The following TMEM232 variants were observed in gnomAD, a reference collection of about 807,000 sequenced individuals.
The protein encoded by TMEM232 is transmembrane protein 232.
Under a neutral mutation model 78.8 loss-of-function variants are expected in TMEM232, and 80 were observed. The observed-to-expected ratio is 1.01, with a 90% CI of 0.85 to 1.22. TMEM232 has a LOEUF of 1.22. TMEM232 is among the 50% of genes most tolerant of loss of function. The pLI is 0.00. For synonymous variants in TMEM232, 297 were observed against 254.3 expected (o/e 1.17, Z -1.60); for missense variants, 881 against 742.2 (o/e 1.19, Z -2.17).
intron 5 of TMEM232, 106 bp from the exon 6 acceptor site, chr5:110,627,986 C>T (rs1329024762): frequency 2.6e-6 from 2 of 767,636 alleles, no homozygotes; most frequent in South Asian, 1.7e-5. Flanking sequence ...TTTGAGAAAA[C>T]AATTTTAAAC....
chr5:110,623,913 T>G (rs1257024401), intron 7 of TMEM232, among the ~76,000 whole-genome samples: 2 of 152,174 alleles, frequency 1.3e-5, no homozygotes, highest in Non-Finnish European at 2.9e-5. Flanking sequence ...TAGTGACTTG[T>G]CCCACTGTAA....
chr5:110,505,307 G>C (rs141789104), intron 12 of TMEM232, among the ~76,000 whole-genome samples: 2 of 152,100 alleles, frequency 1.3e-5, no homozygotes, highest in African/African-American at 4.8e-5. Context: ...TACTGTATGT[G>C]TTTGGACCCA....
chr5:110,463,350 A>G (rs1376400635), intron 12 of TMEM232, among the ~76,000 whole-genome samples: 3 of 152,218 alleles, frequency 2.0e-5, no homozygotes, highest in African/African-American at 7.2e-5. Context: ...TTGAGACATA[A>G]TGTTATTGCA....
intron 1 of TMEM232, 81 bp downstream of exon 1, chr5:110,726,546 C>A (rs1443484691): frequency 6.6e-6 from 1 of 152,206 alleles, no homozygotes; most frequent in Non-Finnish European, 1.5e-5. Context: ...CTTTGTGGGT[C>A]TTTCAGTTGC....
intron 2 of TMEM232, among the ~76,000 whole-genome samples, chr5:110,649,953 C>A (rs529403193): frequency 3.9e-4 from 59 of 152,030 alleles, no homozygotes; most frequent in African/African-American, 1.3e-3. Flanking sequence ...AATTTCTTTG[C>A]CTGTAAAATG....
intron 12 of TMEM232, among the ~76,000 whole-genome samples, chr5:110,477,699 CAAAA>C (rs200655096): frequency 8.6e-5 from 13 of 150,634 alleles, no homozygotes; most frequent in Non-Finnish European, 1.6e-4. Flanking sequence ...AAACTGCTTA[CAAAA>C]AAAAATTCAT....
intron 3 of TMEM232, among the ~76,000 whole-genome samples, chr5:110,397,586 T>C (rs893420104): frequency 2.0e-5 from 3 of 152,164 alleles, no homozygotes; most frequent in African/African-American, 7.2e-5. Context: ...AACCAATTTA[T>C]GTAATGGAAC....
chr5:110,732,978 AAAC>A (rs1214941993), intron 2 of TMEM232, among the ~76,000 whole-genome samples: 1 of 152,214 alleles, frequency 6.6e-6, no homozygotes. Context: ...ATATATATGA[AAAC>A]AACAAACAAT....
chr5:110,708,318 G>C (rs1796143170), intron 1 of TMEM232, among the ~76,000 whole-genome samples: 2 of 152,168 alleles, frequency 1.3e-5, no homozygotes, highest in African/African-American at 4.8e-5. Flanking sequence ...ATCAACACCA[G>C]TCCTTTCCTA....
At chr5:110,405,582 T>TA (rs941682314) in intron 2 of TMEM232, among the ~76,000 whole-genome samples, 7 of 150,882 alleles carry the variant, frequency 4.6e-5, no homozygotes, top group Admixed American at 3.3e-4. Flanking sequence ...AGTTGTAAAA[T>TA]AAAAAAAATT....
chr5:110,659,681 C>T (rs766104704), intron 2 of TMEM232, among the ~76,000 whole-genome samples: 24 of 152,054 alleles, frequency 1.6e-4, no homozygotes, highest in Non-Finnish European at 2.9e-4. Context: ...CATGCTCATC[C>T]CACCACATGC....
intron 8 of TMEM232, among the ~76,000 whole-genome samples, chr5:110,612,673 T>C (rs1186785322): frequency 6.6e-6 from 1 of 152,170 alleles, no homozygotes; most frequent in East Asian, 1.9e-4. Flanking sequence ...TTCAAGACAG[T>C]TTTAAATTGT....
At chr5:110,453,660 G>A in intron 12 of TMEM232, among the ~76,000 whole-genome samples, 1 of 152,070 alleles carries the variant, frequency 6.6e-6, no homozygotes, top group East Asian at 1.9e-4. Context: ...TTTTAGTTTG[G>A]GTGGAACCAG....
At chr5:110,579,485 A>G (rs1488266180) in intron 10 of TMEM232, among the ~76,000 whole-genome samples, 3 of 151,926 alleles carry the variant, frequency 2.0e-5, no homozygotes, top group African/African-American at 7.2e-5. Flanking sequence ...TAAGTAAATC[A>G]ATTTAAAAAT....
At chr5:110,448,070 GAA>G (rs1227848937) in intron 12 of TMEM232, among the ~76,000 whole-genome samples, 1 of 151,748 alleles carries the variant, frequency 6.6e-6, no homozygotes, top group East Asian at 1.9e-4. Flanking sequence ...GAATACTAAA[GAA>G]AAAATAAACT....
chr5:110,571,167 A>G (rs1434312823), intron 10 of TMEM232, among the ~76,000 whole-genome samples: 1 of 152,040 alleles, frequency 6.6e-6, no homozygotes, highest in Admixed American at 6.6e-5. Flanking sequence ...GTACTTGCAT[A>G]TCTCACCTAT....
upstream of TMEM232, among the ~76,000 whole-genome samples, chr5:110,730,061 A>G (rs973113798): frequency 6.6e-6 from 1 of 152,252 alleles, no homozygotes; most frequent in African/African-American, 2.4e-5. Flanking sequence ...TACTCATTAA[A>G]AAGTCAGGAA....
chr5:110,477,430 G>A (rs1041515682), intron 12 of TMEM232, among the ~76,000 whole-genome samples: 4 of 151,814 alleles, frequency 2.6e-5, no homozygotes, highest in African/African-American at 9.7e-5. Context: ...ATACTGAGAA[G>A]CAGTCCAGCT....
chr5:110,610,606 A>G (rs559889867), intron 8 of TMEM232: 2 of 448,204 alleles, frequency 4.5e-6, no homozygotes, highest in African/African-American at 2.0e-5. Flanking sequence ...GGCTCCTAAC[A>G]TGGACAAGAA....
Sources: allele counts gnomAD v4.1 joint callset (sites outside exome capture counted in the v4.1 genomes callset), GRCh38; gene constraint gnomAD v4.1.1; transcripts MANE v1.5; gene names NCBI Gene and HGNC (gene_info 2026-07-23, HGNC 2026-07-21).